Variants in XYLT1 observed in about 807,000 individuals in gnomAD.
XYLT1 encodes beta-D-xylosyltransferase 1.
A neutral mutation model predicts 91.3 loss-of-function variants in XYLT1; 36 were observed. The ratio of observed to expected loss-of-function variants is 0.39; its 90% CI spans 0.30 to 0.52. The LOEUF is 0.52. XYLT1 is among the 20% of genes least tolerant of loss of function. The pLI, the probability that XYLT1 is intolerant of heterozygous loss-of-function variation, is 0.68. For missense variants in XYLT1, 1,242 were observed against 1,284.5 expected (o/e 0.97, Z 0.51); for synonymous variants, 588 against 532.0 (o/e 1.11, Z -1.45).
At chr16:17,397,833 T>C (rs2035908446) in intron 1 of XYLT1, among the ~76,000 whole-genome samples, 1 of 149,334 alleles carries the variant, frequency 6.7e-6, no homozygotes, top group African/African-American at 2.5e-5. Flanking sequence ...AGCTCTTTTT[T>C]TTTTTTTTTT....
At chr16:17,145,663 T>C (rs2031112605) in intron 6 of XYLT1, among the ~76,000 whole-genome samples, 1 of 152,260 alleles carries the variant, frequency 6.6e-6, no homozygotes, top group African/African-American at 2.4e-5. Flanking sequence ...TTGTGTGTTA[T>C]GTGCTTAAGG....
chr16:17,160,032 T>A (rs2031509464), intron 5 of XYLT1, among the ~76,000 whole-genome samples: 1 of 152,152 alleles, frequency 6.6e-6, no homozygotes, highest in African/African-American at 2.4e-5. Flanking sequence ...AAAAAACATC[T>A]CTGGGGTTAT....
At chr16:17,144,741 A>C (rs1387572363) in intron 6 of XYLT1, among the ~76,000 whole-genome samples, 1 of 152,210 alleles carries the variant, frequency 6.6e-6, no homozygotes, top group Non-Finnish European at 1.5e-5. Flanking sequence ...TTTATGATGA[A>C]GGGGATCTAA....
intron 6 of XYLT1, among the ~76,000 whole-genome samples, chr16:17,143,849 A>G (rs922545261): frequency 6.9e-5 from 10 of 144,540 alleles, no homozygotes; most frequent in Non-Finnish European, 1.2e-4. Flanking sequence ...CATCATCACC[A>G]TCATCATCAC....
At chr16:17,140,030 G>A (rs2030915230) in intron 7 of XYLT1, among the ~76,000 whole-genome samples, 1 of 152,142 alleles carries the variant, frequency 6.6e-6, no homozygotes, top group South Asian at 2.1e-4. Context: ...AGACTCAATA[G>A]AAACGGAACC....
In XYLT1 at chr16:17,352,648, A is replaced by T. The variant is rs553728435; in HGVS notation, c.402+5364T>A. Among the ~76,000 whole-genome samples, 3 of 152,220 alleles carry T rather than the reference A, an allele frequency of 2.0e-5. No homozygotes were observed. The South Asian group carries it at 6.2e-4, about 32-fold the overall frequency. On this transcript the variant is annotated intron_variant, in intron 2 of 11. Transcript: ENST00000261381. ...TCCTGGGCTCAGAAGCTCAAACCTCATCTCTCCAGCTCAGATTCCCCCACT... is the reference window on the plus strand; with the variant it reads ...TCCTGGGCTCAGAAGCTCAAACCTCTTCTCTCCAGCTCAGATTCCCCCACT...
At chr16:17,114,543 G>A (rs1966848245) in intron 11 of XYLT1, among the ~76,000 whole-genome samples, 1 of 152,188 alleles carries the variant, frequency 6.6e-6, no homozygotes, top group South Asian at 2.1e-4. Flanking sequence ...GTTGATCATG[G>A]CAGTGTGAGA....
At chr16:17,199,602 A>G (rs1433548640) in intron 4 of XYLT1, among the ~76,000 whole-genome samples, 1 of 152,178 alleles carries the variant, frequency 6.6e-6, no homozygotes, top group Non-Finnish European at 1.5e-5. Context: ...ACTGAATCAC[A>G]GGGGTGGTTT....
intron 6 of XYLT1, among the ~76,000 whole-genome samples, chr16:17,142,431 AT>A (rs71137975): frequency 0.019 from 2,283 of 122,690 alleles, 37 homozygotes; most frequent in African/African-American, 0.06. Context: ...AAATCCTGTA[AT>A]TTTTTTTTTT....
chr16:17,466,027 G>A (rs1022818496), intron 1 of XYLT1, among the ~76,000 whole-genome samples: 2 of 152,184 alleles, frequency 1.3e-5, no homozygotes, highest in African/African-American at 4.8e-5. Flanking sequence ...TGGTGCCGGG[G>A]CCTCGCACAT....
At position 17,117,790 on chromosome 16, in the gene XYLT1, A is replaced by G; in HGVS notation, c.2413T>C (p.Phe805Leu). Residue 805 changes from phenylalanine to leucine, a missense_variant, in exon 11 of 12, where the codon TTC becomes CTC. Around this residue, in one of 3 missense-constraint regions of XYLT1, gnomAD observed 511 missense variants for 497.0 expected, o/e 1.03. Coordinates refer to ENST00000261381, the MANE Select transcript of XYLT1 (RefSeq NM_022166.4). ...YDILIESTAE[F>L]THYKPPLNLP... The stretch of plus-strand genomic sequence containing the variant: ...TTCAAAGGGGGCTTGTAGTGTGTGA[A>G]TTCGGCAGTGGACTCAATGAGGATG... 6.2e-7 allele frequency: 1 copy of G among 1,614,156 alleles called. No homozygotes were observed. Among genetic ancestry groups the G allele is most frequent in the Middle Eastern group, 1.6e-4 (1 of 6,062 alleles).
In XYLT1 at chr16:17,145,102, T is replaced by C. The variant is rs530330255; in HGVS notation, c.1371-3733A>G. 3.3e-5 allele frequency among the ~76,000 whole-genome samples: 5 copies of C among 152,362 alleles called. No homozygotes were observed. In the South Asian group the frequency reaches 1.0e-3, roughly 32 times the overall value. ...GGATTTACCAATTCTAGATATTTCA[T>C]ATAAAGGCAGTCATACAATATATGG... On this transcript the variant is annotated intron_variant, in intron 6 of 11. Transcript: ENST00000261381.
chr16:17,351,767 T>A (rs1341941271), intron 2 of XYLT1, among the ~76,000 whole-genome samples: 7 of 150,336 alleles, frequency 4.7e-5, no homozygotes, highest in Admixed American at 3.3e-4. Flanking sequence ...GGTGCTTTCC[T>A]GTGCATTATG....
At chr16:17,140,792 G>A (rs926568431) in intron 7 of XYLT1, among the ~76,000 whole-genome samples, 1 of 151,872 alleles carries the variant, frequency 6.6e-6, no homozygotes. Context: ...ATGTCAGAAG[G>A]GTTTTTTAAA....
At chr16:17,437,324 A>C (rs774901639) in intron 1 of XYLT1, among the ~76,000 whole-genome samples, 5 of 152,056 alleles carry the variant, frequency 3.3e-5, no homozygotes, top group African/African-American at 7.2e-5. Context: ...CTTTAATACC[A>C]TTCCCTTGGG....
chr16:17,425,932 G>A (rs1406895426), intron 1 of XYLT1, among the ~76,000 whole-genome samples: 2 of 152,112 alleles, frequency 1.3e-5, no homozygotes, highest in East Asian at 3.9e-4. Context: ...CGTTTAGCAC[G>A]TCATGTGGTA....
chr16:17,280,489 A>G (rs1032743882), intron 2 of XYLT1, among the ~76,000 whole-genome samples: 9 of 152,238 alleles, frequency 5.9e-5, no homozygotes, highest in African/African-American at 1.9e-4. Flanking sequence ...TACAATCTAG[A>G]TTTATGAAAT....
intron 9 of XYLT1, among the ~76,000 whole-genome samples, chr16:17,129,558 G>C (rs370912548): frequency 6.6e-6 from 1 of 152,218 alleles, no homozygotes; most frequent in African/African-American, 2.4e-5. Context: ...CAGCCACTGC[G>C]CCAGGCCAAA....
chr16:17,178,180 C>T (rs2031986371), intron 5 of XYLT1, among the ~76,000 whole-genome samples: 1 of 152,082 alleles, frequency 6.6e-6, no homozygotes, highest in Admixed American at 6.6e-5. Flanking sequence ...TCTCGGCCGC[C>T]CCTGGTCAGG....
Sources: allele counts gnomAD v4.1 joint callset (sites outside exome capture counted in the v4.1 genomes callset), GRCh38; gene constraint gnomAD v4.1.1; regional missense constraint gnomAD v4.1.1; transcripts MANE v1.5; gene names NCBI Gene and HGNC (gene_info 2026-07-23, HGNC 2026-07-21).